DBR1: variants seen among roughly 807,000 people sequenced by gnomAD.
The protein encoded by DBR1 is debranching RNA lariats 1, also known as lariat debranching enzyme.
In DBR1, 33 loss-of-function variants were observed where a neutral mutation model predicts 45.9. That is an observed-to-expected ratio of 0.72 (90% CI 0.55 to 0.96). The LOEUF (loss-of-function observed/expected upper bound fraction) is 0.96, where lower values mean the gene tolerates loss of function less well. DBR1 is among the 40% of genes least tolerant of loss of function. DBR1 has a pLI of 0.00. For missense variants in DBR1, 619 were observed against 667.4 expected, an observed-to-expected ratio of 0.93 and a Z score of 0.80; for synonymous variants, 235 against 235.9, an observed-to-expected ratio of 1.00 and a Z score of 0.04.
chr3:138,162,155 G>T lies in DBR1; in HGVS notation c.1369C>A (p.Gln457Lys). 4 of 1,614,156 alleles carry T rather than the reference G, an allele frequency of 2.5e-6. No individual in the cohort carries two copies. The highest frequency in any genetic ancestry group is 1.7e-5 in the Admixed American group (1 of 60,022). Reference protein sequence around the residue: ...MNTPSVEPSDQASEFSASFSD... With the variant: ...MNTPSVEPSDKASEFSASFSD... ...AAACTTGCAGAAAACTCAGAAGCTT[G>T]ATCAGAAGGTTCTACCGATGGTGTA... Residue 457 changes from glutamine (Q) to lysine (K), a missense_variant, in exon 8 of 8, where the codon CAA becomes AAA. Gln to Lys is a moderately conservative substitution (Grantham distance 53). Coordinates refer to ENST00000260803, the MANE Select transcript of DBR1 (RefSeq NM_016216.4).
rs1373632729 is a variant in DBR1 at position 138,173,614 on chromosome 3, T to A, written c.210A>T (p.Gly70=). 3 of 1,613,180 alleles carry A rather than the reference T, an allele frequency of 1.9e-6. No homozygotes were observed. Among genetic ancestry groups the A allele is most frequent in the Non-Finnish European group, 2.5e-6 (3 of 1,179,716 alleles). The change falls in exon 2 of 8, where the codon GGA becomes GGT. Residue 70 remains glycine, a synonymous_variant. Coordinates refer to ENST00000260803, the MANE Select transcript of DBR1 (RefSeq NM_016216.4). ...HMQTFYRYYS[G]EKKAPVLTLF... is the part of the protein sequence containing the mutation. ...GCGTGAGAACTGGAGCCTTTTTCTCTCCAGAGTAATACCTAGAACATAAGA... is the reference window on the plus strand; with the variant it reads ...GCGTGAGAACTGGAGCCTTTTTCTCACCAGAGTAATACCTAGAACATAAGA...
chr3:138,169,924 C>A (rs1424240253), intron 4 of DBR1, among the ~76,000 whole-genome samples, 183 bp downstream of exon 4: 1 of 151,462 alleles, frequency 6.6e-6, no homozygotes, highest in Non-Finnish European at 1.5e-5. Flanking sequence ...CATAGTGAGA[C>A]TCTGTCTCAA....
At chr3:138,170,381 G>C (rs950201604) in intron 3 of DBR1, among the ~76,000 whole-genome samples, 189 bp from the exon 4 acceptor site, 1 of 152,146 alleles carries the variant, frequency 6.6e-6, no homozygotes, top group African/African-American at 2.4e-5. Context: ...AAATAAGGGT[G>C]TATCTGCTTT....
chr3:138,174,733 C>G lies in DBR1; in HGVS notation c.63G>C (p.Ala21=), dbSNP rs554320323. The G allele has an allele frequency of 1.4e-5, 22 of 1,612,770 alleles. No homozygotes were observed. In the South Asian group the frequency reaches 2.0e-4, roughly 15 times the overall value. Residue 21 remains alanine, a synonymous_variant, in exon 1 of 8, where the codon GCG becomes GCC. Coordinates refer to ENST00000260803, the MANE Select transcript of DBR1 (RefSeq NM_016216.4). ...GELDKIYETL[A]LAERRGPGPV... is the part of the protein sequence containing the mutation. ...GCCCCGGGCCGCGCCGCTCTGCCAG[C>G]GCCAGCGTCTCATAGATCTTATCCA... is the stretch of plus-strand genomic sequence containing the variant.
In DBR1 at chr3:138,171,475, CAAAAAAAAAAAAA is replaced by C. The variant is rs906867666; in HGVS notation, c.403+145_403+157del. 5.2e-4 allele frequency: 36 copies of C among 69,568 alleles called. 2 individuals are homozygous for C. The highest frequency in any genetic ancestry group is 8.1e-4 in the Non-Finnish European group (32 of 39,672). The allele number at this position is 69,568 out of a possible 1,614,324, so 4.3% of individuals were successfully genotyped here. A position where few individuals can be genotyped will look rare whatever the true frequency, so the allele number is the denominator to read the frequency against. On this transcript the variant is annotated intron_variant, in intron 3 of 7. Coordinates refer to ENST00000260803, the MANE Select transcript of DBR1 (RefSeq NM_016216.4). ...GGACACCAAGAACGAAACTCTGTCT[CAAAAAAAAAAAAA>C]AAAAAAAAAAAAGCAAAATACTAAG...
At chr3:138,174,570 G>A in intron 1 of DBR1, 29 bp downstream of exon 1, 2 of 924,250 alleles carry the variant, frequency 2.2e-6, no homozygotes, top group Non-Finnish European at 3.4e-6. Flanking sequence ...CCCCCCCACC[G>A]CCAAGTCCGG....
rs2042905800 is a variant in DBR1, at chr3:138,161,267, A to G, written c.*622T>C. ...TTGTCTTACTCATCTTTATGGTCCC[A>G]TATTATAGCAGAGTGCTTGGCACAG... On this transcript the variant is annotated 3_prime_UTR_variant, in exon 8 of 8. Coordinates refer to ENST00000260803, the MANE Select transcript of DBR1 (RefSeq NM_016216.4). 1 of 152,412 alleles carries G rather than the reference A, an allele frequency of 6.6e-6. No individual in the cohort carries two copies. Among genetic ancestry groups the G allele is most frequent in the African/African-American group, 2.4e-5 (1 of 41,464 alleles). The allele number at this position is 152,412 out of a possible 1,614,324, so 9.4% of individuals were successfully genotyped here. A position where few individuals can be genotyped will look rare whatever the true frequency, so the allele number is the denominator to read the frequency against.
chr3:138,163,652 A>AC (rs2042917856), intron 6 of DBR1, 126 bp downstream of exon 6: 1 of 713,310 alleles, frequency 1.4e-6, no homozygotes, highest in African/African-American at 1.9e-5. Flanking sequence ...TAAGTAAGAT[A>AC]CCCCCAAAGA....
chr3:138,167,423 G>T, intron 4 of DBR1, 118 bp from the exon 5 acceptor site: 1 of 704,600 alleles, frequency 1.4e-6, no homozygotes, highest in Non-Finnish European at 2.4e-6. Flanking sequence ...CTAGAATTCT[G>T]TATAATTCAT....
At chr3:138,164,197 A>G (rs2107902317) in intron 5 of DBR1, 1 of 161,456 alleles carries the variant, frequency 6.2e-6, no homozygotes, top group Non-Finnish European at 1.4e-5. Context: ...AACTGGCAGA[A>G]CTTAAACTAT....
intron 4 of DBR1, among the ~76,000 whole-genome samples, chr3:138,169,605 A>G (rs2042945569): frequency 6.6e-6 from 1 of 152,152 alleles, no homozygotes; most frequent in Non-Finnish European, 1.5e-5. Flanking sequence ...TAAATCTTTC[A>G]TTCTTACTAA....
intron 3 of DBR1, among the ~76,000 whole-genome samples, chr3:138,170,711 G>T (rs1166086713): frequency 2.0e-5 from 3 of 152,158 alleles, no homozygotes; most frequent in African/African-American, 7.2e-5. Flanking sequence ...TTACATTCAG[G>T]ATGTAAGTTT....
In DBR1 at chr3:138,162,390, G is replaced by A; in HGVS notation, c.1134C>T (p.Asp378=). ...TEFCAQLGII[D]INVRLQKSKE... Reference sequence around the variant, plus strand: ...TGGACTTCTGAAGCCTAACATTGATGTCTATGATGCCAAGTTGGGCACAAA... The same window carrying A: ...TGGACTTCTGAAGCCTAACATTGATATCTATGATGCCAAGTTGGGCACAAA... The change falls in exon 8 of 8, where the codon GAC becomes GAT. Residue 378 remains aspartate, a synonymous_variant. Transcript: ENST00000260803. 2 of 1,614,090 alleles carry A rather than the reference G, an allele frequency of 1.2e-6. No homozygotes were observed. The highest frequency in any genetic ancestry group is 1.7e-6 in the Non-Finnish European group (2 of 1,180,024).
chr3:138,174,025 A>T (rs1031125863), intron 1 of DBR1, among the ~76,000 whole-genome samples: 3 of 20,388 alleles, frequency 1.5e-4, no homozygotes, highest in African/African-American at 4.0e-4. Context: ...TGTCTCAAGA[A>T]AAAAAAAAAA....
intron 7 of DBR1, 67 bp downstream of exon 7, chr3:138,163,282 A>G (rs2107901757): frequency 5.2e-6 from 8 of 1,532,328 alleles, no homozygotes; most frequent in South Asian, 2.3e-5. Flanking sequence ...AAAACAAAAC[A>G]AAGGTGGGAG....
At chr3:138,169,946 A>G (rs148196465) in intron 4 of DBR1, among the ~76,000 whole-genome samples, 161 bp downstream of exon 4, 2 of 152,306 alleles carry the variant, frequency 1.3e-5, no homozygotes, top group African/African-American at 2.4e-5. Flanking sequence ...AAAAGAAAAA[A>G]AAAAGGTTCA....
chr3:138,171,826 T>A, intron 2 of DBR1, 113 bp from the exon 3 acceptor site: 1 of 781,656 alleles, frequency 1.3e-6, no homozygotes, highest in Non-Finnish European at 2.2e-6. Context: ...ATTTGAAAAT[T>A]AAGCACCATG....
At position 138,174,744 on chromosome 3, in the gene DBR1, C is replaced by T; in HGVS notation, c.52G>A (p.Glu18Lys). The T allele has an allele frequency of 6.2e-7, 1 of 1,612,838 alleles. No individual in the cohort carries two copies. Among genetic ancestry groups the T allele is most frequent in the Non-Finnish European group, 8.5e-7 (1 of 1,179,790 alleles). ...CGCCGCTCTGCCAGCGCCAGCGTCT[C>T]ATAGATCTTATCCAGCTCGCCGTGG... The part of the protein sequence containing the change: ...CCHGELDKIY[E>K]TLALAERRGP... Residue 18 changes from glutamate to lysine, a missense_variant, in exon 1 of 8, where the codon GAG becomes AAG. Physicochemically the swap from Glu to Lys is moderately conservative, Grantham distance 56. Transcript: ENST00000260803.
chr3:138,171,506 ATACTAAGACTTGAT>A, intron 3 of DBR1, 113 bp downstream of exon 3: 5 of 441,722 alleles, frequency 1.1e-5, no homozygotes, highest in South Asian at 6.4e-5. Context: ...AAAAAGCAAA[ATACTAAGACTTGAT>A]AAAACTATAT....
Sources: gnomAD v4.1 joint callset for allele counts (sites outside exome capture counted in the v4.1 genomes callset) on GRCh38, gnomAD v4.1.1 for gene constraint, MANE v1.5 for transcripts, NCBI Gene and HGNC (gene_info 2026-07-23, HGNC 2026-07-21) for gene names.